Variants in CTNNA2 observed in about 807,000 individuals in gnomAD.
CTNNA2 encodes catenin alpha 2, also known as catenin alpha-2.
A neutral mutation model predicts 101.0 loss-of-function variants in CTNNA2; 42 were observed. The ratio of observed to expected loss-of-function variants is 0.42; its 90% CI spans 0.32 to 0.54. The LOEUF (loss-of-function observed/expected upper bound fraction) is 0.54, where lower values mean the gene tolerates loss of function less well. CTNNA2 is among the 20% of genes least tolerant of loss of function. CTNNA2 has a pLI of 0.14. For synonymous variants in CTNNA2, 450 were observed against 456.4 expected (o/e 0.99, Z 0.18); for missense variants, 871 against 1,223.1 (o/e 0.71, Z 4.29).
At chr2:79,359,566 G>A (rs1677581062) in intron 3 of CTNNA2, among the ~76,000 whole-genome samples, 1 of 152,160 alleles carries the variant, frequency 6.6e-6, no homozygotes, top group Admixed American at 6.5e-5. Flanking sequence ...GGCTCATGCT[G>A]AATAGGAGGA....
intron 7 of CTNNA2, among the ~76,000 whole-genome samples, chr2:80,310,281 A>G (rs562775200): frequency 2.5e-4 from 38 of 152,212 alleles, no homozygotes; most frequent in Non-Finnish European, 4.4e-4. Context: ...TGGAAAGTCT[A>G]TGTGTACCAC....
chr2:79,209,057 TGTAATC>T (rs1212374918), intron 2 of CTNNA2, among the ~76,000 whole-genome samples: 4 of 152,148 alleles, frequency 2.6e-5, no homozygotes, highest in African/African-American at 9.7e-5. Context: ...GGCTCACGCT[TGTAATC>T]CCAGCACTTT....
intron 2 of CTNNA2, among the ~76,000 whole-genome samples, chr2:79,682,414 A>C (rs1457841858): frequency 7.9e-6 from 1 of 126,298 alleles, no homozygotes; most frequent in African/African-American, 3.0e-5. Flanking sequence ...CCATCTCAAA[A>C]AAAAAAAAAA....
intron 18 of CTNNA2, among the ~76,000 whole-genome samples, chr2:80,646,272 TA>T (rs1170764334): frequency 6.6e-6 from 1 of 152,080 alleles, no homozygotes; most frequent in Non-Finnish European, 1.5e-5. Flanking sequence ...ACACAACAAA[TA>T]ATCTCTCCAA....
intron 6 of CTNNA2, among the ~76,000 whole-genome samples, chr2:79,876,946 T>A (rs1683069011): frequency 6.6e-6 from 1 of 151,980 alleles, no homozygotes; most frequent in Admixed American, 6.6e-5. Flanking sequence ...ATGATATATT[T>A]GAAACAGTTG....
intron 4 of CTNNA2, among the ~76,000 whole-genome samples, chr2:79,447,683 A>C (rs1678849042): frequency 6.6e-6 from 1 of 152,048 alleles, no homozygotes; most frequent in Non-Finnish European, 1.5e-5. Context: ...GGGTGACCTC[A>C]TCTGAAAAGG....
chr2:79,644,394 G>T (rs1007275457), intron 1 of CTNNA2, among the ~76,000 whole-genome samples: 1 of 152,084 alleles, frequency 6.6e-6, no homozygotes, highest in Non-Finnish European at 1.5e-5. Context: ...CAGATAATTC[G>T]GGATAATTTC....
chr2:80,365,085 T>C (rs375114625), intron 7 of CTNNA2, among the ~76,000 whole-genome samples: 107 of 152,288 alleles, frequency 7.0e-4, no homozygotes, highest in African/African-American at 2.4e-3. Context: ...CCTGGCCTTG[T>C]GCCTCTTCCC....
chr2:80,491,930 G>A (rs545753737), intron 9 of CTNNA2, among the ~76,000 whole-genome samples: 23 of 152,238 alleles, frequency 1.5e-4, no homozygotes, highest in African/African-American at 4.6e-4. Context: ...CACCTGGTGG[G>A]GGTATCCACC....
At chr2:79,722,701 C>T (rs891041517) in intron 2 of CTNNA2, among the ~76,000 whole-genome samples, 11 of 152,124 alleles carry the variant, frequency 7.2e-5, no homozygotes, top group Non-Finnish European at 1.3e-4. Flanking sequence ...CACCACTAGA[C>T]GGAATTGCTA....
At chr2:80,410,201 T>A (rs573282968) in intron 8 of CTNNA2, among the ~76,000 whole-genome samples, 123 of 152,332 alleles carry the variant, frequency 8.1e-4, no homozygotes, top group African/African-American at 2.9e-3. Context: ...CCCCACCCAA[T>A]AGGTAGACAA....
intron 3 of CTNNA2, among the ~76,000 whole-genome samples, chr2:79,786,492 T>C (rs1490238926): frequency 6.6e-6 from 1 of 152,038 alleles, no homozygotes; most frequent in Non-Finnish European, 1.5e-5. Context: ...TAAAGATATT[T>C]TTTTTTCTTT....
chr2:80,163,757 A>G (rs1412404586), intron 7 of CTNNA2, among the ~76,000 whole-genome samples: 2 of 152,182 alleles, frequency 1.3e-5, no homozygotes, highest in South Asian at 2.1e-4. Context: ...CTATTCTTTC[A>G]GTTCTATCAG....
intron 3 of CTNNA2, among the ~76,000 whole-genome samples, chr2:79,337,811 AG>A (rs1433430823): frequency 2.6e-5 from 4 of 152,286 alleles, no homozygotes; most frequent in South Asian, 2.1e-4. Flanking sequence ...CAAAAAAAAA[AG>A]ATCACATTAT....
intron 7 of CTNNA2, among the ~76,000 whole-genome samples, chr2:80,114,674 C>T (rs1701419837): frequency 6.6e-6 from 1 of 152,218 alleles, no homozygotes; most frequent in Admixed American, 6.5e-5. Flanking sequence ...AGCTACATTG[C>T]ACTGGGCTCC....
At chr2:79,227,782 A>T (rs1183366697) in intron 2 of CTNNA2, among the ~76,000 whole-genome samples, 1 of 152,190 alleles carries the variant, frequency 6.6e-6, no homozygotes, top group Non-Finnish European at 1.5e-5. Flanking sequence ...ATTATAGATT[A>T]AAGGGTACAC....
At chr2:79,658,676 T>C (rs1475980280) in intron 2 of CTNNA2, among the ~76,000 whole-genome samples, 3 of 101,912 alleles carry the variant, frequency 2.9e-5, no homozygotes, top group South Asian at 2.9e-4. Context: ...TGCTGAAATT[T>C]TGTTCTTTTT....
At chr2:79,258,479 T>C (rs1014321478) in intron 2 of CTNNA2, among the ~76,000 whole-genome samples, 1 of 152,148 alleles carries the variant, frequency 6.6e-6, no homozygotes, top group African/African-American at 2.4e-5. Flanking sequence ...ATCTGTAAAG[T>C]ACTGTTATTA....
intron 3 of CTNNA2, among the ~76,000 whole-genome samples, chr2:79,852,855 G>C (rs1558581554): frequency 6.6e-6 from 1 of 152,198 alleles, no homozygotes; most frequent in African/African-American, 2.4e-5. Flanking sequence ...CTCCCAAAGT[G>C]TTGGGATTAC....
Sources: allele counts gnomAD v4.1 joint callset (sites outside exome capture counted in the v4.1 genomes callset), GRCh38; gene constraint gnomAD v4.1.1; transcripts MANE v1.5; gene names NCBI Gene and HGNC (gene_info 2026-07-23, HGNC 2026-07-21).